MLIP: variants seen among roughly 807,000 people sequenced by gnomAD.
The protein encoded by MLIP is muscular LMNA interacting protein, also known as muscular LMNA-interacting protein.
In MLIP, 79 loss-of-function variants were observed where a neutral mutation model predicts 84.8. The ratio of observed to expected loss-of-function variants is 0.93; its 90% CI spans 0.78 to 1.12. MLIP has a LOEUF of 1.12. Among genes scored for constraint, MLIP ranks in the 50% most tolerant of loss-of-function variants. The pLI, the probability that MLIP is intolerant of heterozygous loss-of-function variation, is 0.00. For synonymous variants in MLIP, 504 were observed against 463.0 expected (o/e 1.09, Z -1.14); for missense variants, 1,257 against 1,160.6 (o/e 1.08, Z -1.21).
chr6:54,088,621 T>C (rs1412970521), intron 1 of MLIP, among the ~76,000 whole-genome samples: 1 of 152,182 alleles, frequency 6.6e-6, no homozygotes, highest in Non-Finnish European at 1.5e-5. Context: ...TCTATGAAGC[T>C]CAAAAAGCTT....
At chr6:54,034,745 T>A (rs2150289901) in intron 1 of MLIP, among the ~76,000 whole-genome samples, 1 of 151,978 alleles carries the variant, frequency 6.6e-6, no homozygotes, top group African/African-American at 2.4e-5. Flanking sequence ...GAAGAAAAAA[T>A]ATTTTTATGT....
intron 3 of MLIP, among the ~76,000 whole-genome samples, chr6:54,128,346 T>C (rs1297050925): frequency 6.6e-6 from 1 of 151,970 alleles, no homozygotes; most frequent in East Asian, 1.9e-4. Flanking sequence ...AAGGTAAAAG[T>C]AGGAAGACAG....
chr6:54,090,153 C>T (rs527824906), intron 1 of MLIP, among the ~76,000 whole-genome samples: 1 of 151,992 alleles, frequency 6.6e-6, no homozygotes, highest in Non-Finnish European at 1.5e-5. Context: ...AGCAGCAGTT[C>T]GTAAACTGCC....
At chr6:54,020,899 A>G (rs1763461675) in intron 1 of MLIP, among the ~76,000 whole-genome samples, 1 of 152,180 alleles carries the variant, frequency 6.6e-6, no homozygotes, top group Non-Finnish European at 1.5e-5. Flanking sequence ...GGAACACATG[A>G]AAGCCCAGTG....
intron 13 of MLIP, among the ~76,000 whole-genome samples, chr6:54,265,210 C>T (rs1783618268): frequency 6.6e-6 from 1 of 152,122 alleles, no homozygotes; most frequent in Non-Finnish European, 1.5e-5. Context: ...AGAGACATGT[C>T]TTAGAACTAT....
intron 7 of MLIP, 21 bp downstream of exon 7, chr6:54,160,620 G>A (rs1774528164): frequency 6.3e-7 from 1 of 1,586,950 alleles, no homozygotes; most frequent in Admixed American, 1.7e-5. Context: ...AGACTAGAAT[G>A]TGCAATTCAA....
intron 9 of MLIP, among the ~76,000 whole-genome samples, chr6:54,179,190 A>G (rs757255981): frequency 1.1e-4 from 16 of 152,010 alleles, no homozygotes; most frequent in Non-Finnish European, 2.2e-4. Context: ...GTTGGTATCT[A>G]TTGTGTCTGA....
chr6:54,149,143 A>T lies in MLIP; in HGVS notation c.2289+16A>T, dbSNP rs780524868. ...GGAACAGAAGGTCAGTGTTGGCTCA[A>T]AAACAGTGAATTTTACATTTTTAAT... On this transcript the variant is annotated intron_variant, in intron 5 of 13. Coordinates refer to ENST00000502396, the MANE Select transcript of MLIP (RefSeq NM_001281747.2). 2 of 1,596,548 alleles carry T rather than the reference A, an allele frequency of 1.3e-6. No individual in the cohort carries two copies. The highest frequency in any genetic ancestry group is 2.7e-5 in the African/African-American group (2 of 74,336).
chr6:54,114,357 A>G (rs989703187), intron 1 of MLIP, among the ~76,000 whole-genome samples: 4 of 152,222 alleles, frequency 2.6e-5, no homozygotes, highest in African/African-American at 9.6e-5. Flanking sequence ...TTGGGCACAC[A>G]AAATTTGATC....
At chr6:54,211,610 C>A (rs982061939) in intron 11 of MLIP, among the ~76,000 whole-genome samples, 1 of 152,188 alleles carries the variant, frequency 6.6e-6, no homozygotes. Flanking sequence ...ATTTGTGAAA[C>A]CTGAATCTCA....
At chr6:54,223,502 G>A (rs1349188415) in intron 11 of MLIP, among the ~76,000 whole-genome samples, 2 of 151,962 alleles carry the variant, frequency 1.3e-5, no homozygotes, top group Admixed American at 1.3e-4. Flanking sequence ...CATTTATTGA[G>A]GAGACTATCC....
chr6:54,193,299 TG>T (rs1365545428), intron 10 of MLIP, among the ~76,000 whole-genome samples: 2 of 152,320 alleles, frequency 1.3e-5, no homozygotes, highest in East Asian at 3.9e-4. Context: ...ATAACGACTC[TG>T]TCAGCCTGAA....
chr6:54,057,795 G>T (rs1327930566), intron 1 of MLIP, among the ~76,000 whole-genome samples: 1 of 152,100 alleles, frequency 6.6e-6, no homozygotes, highest in East Asian at 1.9e-4. Flanking sequence ...ATTCCAAGAT[G>T]CAGTATGACA....
intron 1 of MLIP, among the ~76,000 whole-genome samples, chr6:54,054,098 CT>C (rs923674760): frequency 4.0e-5 from 6 of 151,890 alleles, no homozygotes; most frequent in African/African-American, 1.2e-4. Context: ...TACAAGTTTG[CT>C]TTTTTTTCAC....
At chr6:54,210,132 T>TCACCGCACCGCACCG (rs1465493033) in intron 11 of MLIP, among the ~76,000 whole-genome samples, 11 of 152,008 alleles carry the variant, frequency 7.2e-5, no homozygotes, top group African/African-American at 2.7e-4. Flanking sequence ...CCTGCCCACC[T>TCACCGCACCGCACCG]CACCTCACCG....
At chr6:54,179,701 C>G (rs1348692183) in intron 9 of MLIP, among the ~76,000 whole-genome samples, 1 of 152,096 alleles carries the variant, frequency 6.6e-6, no homozygotes, top group Admixed American at 6.6e-5. Context: ...AAACCCTACA[C>G]TTTAACTTCA....
chr6:54,249,591 T>C (rs1782316601), intron 12 of MLIP, among the ~76,000 whole-genome samples: 1 of 151,718 alleles, frequency 6.6e-6, no homozygotes, highest in South Asian at 2.1e-4. Flanking sequence ...TTCCAGGGTA[T>C]AGAATTGTGA....
chr6:54,227,924 C>T (rs1780692555), intron 11 of MLIP, among the ~76,000 whole-genome samples: 1 of 152,264 alleles, frequency 6.6e-6, no homozygotes, highest in East Asian at 1.9e-4. Context: ...TGGCTCACGC[C>T]TGCAATCCCA....
At chr6:54,250,584 A>G (rs546766290) in intron 12 of MLIP, among the ~76,000 whole-genome samples, 106 of 152,238 alleles carry the variant, frequency 7.0e-4, no homozygotes, top group African/African-American at 2.5e-3. Flanking sequence ...AACAGTGTTC[A>G]TTCATTTAAT....
Sources: gnomAD v4.1 joint callset for allele counts (sites outside exome capture counted in the v4.1 genomes callset) on GRCh38, gnomAD v4.1.1 for gene constraint, MANE v1.5 for transcripts, NCBI Gene and HGNC (gene_info 2026-07-23, HGNC 2026-07-21) for gene names.